The following PSTPIP1 variants were observed in gnomAD, a reference collection of about 807,000 sequenced individuals.
The protein encoded by PSTPIP1 is proline-serine-threonine phosphatase interacting protein 1.
PSTPIP1 carries 66 observed loss-of-function variants against 69.6 expected under a neutral mutation model. The ratio of observed to expected loss-of-function variants is 0.95; its 90% CI spans 0.78 to 1.16. The LOEUF is 1.16. PSTPIP1 is among the 50% of genes most tolerant of loss of function. The pLI, the probability that PSTPIP1 is intolerant of heterozygous loss-of-function variation, is 0.00. For missense variants in PSTPIP1, 603 were observed against 557.4 expected, an observed-to-expected ratio of 1.08 and a Z score of -0.82; for synonymous variants, 266 against 222.7, an observed-to-expected ratio of 1.19 and a Z score of -1.73.
At chr15:77,018,582 C>G in intron 3 of PSTPIP1, 51 bp downstream of exon 3, 1 of 1,501,174 alleles carries the variant, frequency 6.7e-7, no homozygotes. Flanking sequence ...CTGGCAGTTT[C>G]TGGGCCTTTA....
chr15:77,036,728 A>ATGAG (rs1367331885), intron 14 of PSTPIP1, among the ~76,000 whole-genome samples: 2 of 152,096 alleles, frequency 1.3e-5, no homozygotes, highest in Non-Finnish European at 2.9e-5. Context: ...AAGCTTAGGC[A>ATGAG]TGAGTGTGCC....
At chr15:77,006,148 A>G (rs2075811746) in intron 1 of PSTPIP1, among the ~76,000 whole-genome samples, 1 of 152,082 alleles carries the variant, frequency 6.6e-6, no homozygotes, top group South Asian at 2.1e-4. Context: ...TTTTTTTTTA[A>G]ATCATAGCCA....
rs139362350 is a variant in PSTPIP1, at chr15:77,031,194, A to C, written c.657A>C (p.Gln219His). The change falls in exon 10 of 15, where the codon CAA becomes CAC. Residue 219 changes from glutamine (Q) to histidine (H), a missense_variant. Coordinates refer to ENST00000558012, the MANE Select transcript of PSTPIP1 (RefSeq NM_003978.5). ...ACTGCCCCCAGGCCTTTCAGCTGCA[A>C]GAGTTTGACCGGCTGACCATTCTCC... ...HRTTCEAFQL[Q>H]EFDRLTILRN... 4.0e-4 allele frequency: 644 copies of C among 1,612,700 alleles called. 1 individual carries two copies. In the African/African-American group the frequency reaches 5.7e-3, roughly 14 times the overall value.
chr15:77,028,298 C>A, intron 6 of PSTPIP1: 1 of 506,114 alleles, frequency 2.0e-6, no homozygotes, highest in Non-Finnish European at 3.5e-6. Flanking sequence ...CGCCGAAGAG[C>A]ACAGCCCAGG....
upstream of PSTPIP1, chr15:76,994,830 A>G (rs1482869708): frequency 2.3e-6 from 3 of 1,289,028 alleles, no homozygotes; most frequent in East Asian, 5.6e-5. Flanking sequence ...GCCCCTCCAG[A>G]ATGACTTGCT....
At chr15:77,031,398 G>A (rs2076413334) in intron 10 of PSTPIP1, 120 bp downstream of exon 10, 3 of 1,092,832 alleles carry the variant, frequency 2.7e-6, no homozygotes, top group Non-Finnish European at 4.1e-6. Flanking sequence ...CCTGGCCCCA[G>A]GGGTCTCAGG....
In PSTPIP1 at chr15:77,032,314, G is replaced by C; in HGVS notation, c.758G>C (p.Arg253Pro). 1 of 1,612,568 alleles carries C rather than the reference G, an allele frequency of 6.2e-7. No homozygotes were observed. The highest frequency in any genetic ancestry group is 1.1e-5 in the South Asian group (1 of 91,078). ...CTGCCCCAGCTCTACGAGGAAGTGC[G>C]GCTGACGCTGGAAGGCTGCAGCATA... ...VKDDELYEEV[R>P]LTLEGCSIDA... The change falls in exon 11 of 15, where the codon CGG (arginine) becomes CCG (proline). Residue 253 changes from arginine (R) to proline (P), a missense_variant. Coordinates refer to ENST00000558012, the MANE Select transcript of PSTPIP1 (RefSeq NM_003978.5).
intron 3 of PSTPIP1, chr15:77,023,671 T>G (rs2076210808): frequency 6.6e-6 from 1 of 152,216 alleles, no homozygotes; most frequent in Non-Finnish European, 1.5e-5. Flanking sequence ...ATTTGAGGTA[T>G]CTGTCAGATA....
chr15:77,010,239 C>A (rs917803719), intron 1 of PSTPIP1, among the ~76,000 whole-genome samples: 1 of 152,214 alleles, frequency 6.6e-6, no homozygotes, highest in African/African-American at 2.4e-5. Flanking sequence ...CTGGACAAGT[C>A]ACTGTTATCC....
intron 1 of PSTPIP1, among the ~76,000 whole-genome samples, chr15:77,017,138 G>T (rs759214403): frequency 6.6e-6 from 1 of 152,136 alleles, no homozygotes; most frequent in African/African-American, 2.4e-5. Flanking sequence ...GTAAGCCTGC[G>T]TGCAGTGCCT....
At chr15:77,018,891 C>T (rs780817999) in intron 3 of PSTPIP1, among the ~76,000 whole-genome samples, 1 of 152,182 alleles carries the variant, frequency 6.6e-6, no homozygotes, top group Non-Finnish European at 1.5e-5. Context: ...TCAGCATGGG[C>T]TTCAAGGATG....
At chr15:77,020,873 G>A (rs962793066) in intron 3 of PSTPIP1, among the ~76,000 whole-genome samples, 7 of 142,470 alleles carry the variant, frequency 4.9e-5, no homozygotes, top group Non-Finnish European at 7.9e-5. Context: ...TCCTGTGGGG[G>A]GGGGGGGTGT....
chr15:77,037,240 T>G lies in PSTPIP1; in HGVS notation c.*64T>G. The G allele has an allele frequency of 6.5e-7, 1 of 1,538,678 alleles. No homozygotes were observed. Among genetic ancestry groups the G allele is most frequent in the Non-Finnish European group, 8.8e-7 (1 of 1,141,744 alleles). ...GGAGCCAGCAGTGCCCCCAGCACTG[T>G]CCCCACCTTGCTAGGGCCCAGAACC... On this transcript the variant is annotated 3_prime_UTR_variant, in exon 15 of 15. Transcript: ENST00000558012.
intron 1 of PSTPIP1, among the ~76,000 whole-genome samples, chr15:77,014,032 G>A (rs985940318): frequency 2.0e-5 from 3 of 152,130 alleles, no homozygotes; most frequent in African/African-American, 4.8e-5. Flanking sequence ...AGGGCTCGGG[G>A]AGCTGCTGCT....
chr15:77,021,284 C>G (rs1294613077), intron 3 of PSTPIP1, among the ~76,000 whole-genome samples: 1 of 152,184 alleles, frequency 6.6e-6, no homozygotes, highest in Non-Finnish European at 1.5e-5. Context: ...ACATGTACCT[C>G]CTTCACATGT....
intron 8 of PSTPIP1, 146 bp from the exon 9 acceptor site, chr15:77,030,356 A>T: frequency 1.3e-6 from 1 of 789,032 alleles, no homozygotes; most frequent in South Asian, 1.6e-5. Context: ...ACGGGCATTC[A>T]GATGAGGCCC....
At position 77,009,104 on chromosome 15, in the gene PSTPIP1, G is replaced by A. The variant is rs79338487; in HGVS notation, c.37-9044G>A. 6.8e-3 allele frequency among the ~76,000 whole-genome samples: 1,041 copies of A among 152,294 alleles called. 16 individuals are homozygous for A. Among genetic ancestry groups the A allele is most frequent in the African/African-American group, 0.024 (1,000 of 41,542 alleles). On this transcript the variant is annotated intron_variant, in intron 1 of 14. Coordinates refer to ENST00000558012, the MANE Select transcript of PSTPIP1 (RefSeq NM_003978.5). ...CTAACTTTGGTGGTTAGAGGATTGA[G>A]AGTGGAGACATGCAGGTTAATGGCC... is the stretch of plus-strand genomic sequence containing the variant.
intron 8 of PSTPIP1, 135 bp from the exon 9 acceptor site, chr15:77,030,367 C>T (rs566401416): frequency 1.1e-5 from 10 of 875,482 alleles, no homozygotes; most frequent in South Asian, 4.5e-5. Context: ...GATGAGGCCC[C>T]GCCATCTGCT....
intron 3 of PSTPIP1, among the ~76,000 whole-genome samples, chr15:77,023,010 T>C (rs750960050): frequency 6.6e-6 from 1 of 152,240 alleles, no homozygotes; most frequent in Non-Finnish European, 1.5e-5. Context: ...AGAGGCTGAA[T>C]GTCCACCTGG....
Sources: allele counts gnomAD v4.1 joint callset (sites outside exome capture counted in the v4.1 genomes callset), GRCh38; gene constraint gnomAD v4.1.1; transcripts MANE v1.5; gene names NCBI Gene and HGNC (gene_info 2026-07-23, HGNC 2026-07-21).